PABIR3: variants seen among roughly 807,000 people sequenced by gnomAD.
PABIR3 encodes the protein PABIR family member 3, also known as PABIR family member 1.
Under a neutral mutation model 23.1 loss-of-function variants are expected in PABIR3, and 20 were observed. That is an observed-to-expected ratio of 0.86 (90% confidence interval 0.61 to 1.26). The LOEUF is 1.26. Ranked by LOEUF, PABIR3 falls within the 50% of genes most tolerant of loss-of-function variation. The pLI is 0.00. For synonymous variants in PABIR3, 69 were observed against 68.5 expected (o/e 1.01, Z -0.04); for missense variants, 189 against 195.4 (o/e 0.97, Z 0.20).
downstream of PABIR3, among the ~76,000 whole-genome samples, chrX:134,856,310 C>T (rs922503751): frequency 5.5e-5 from 6 of 110,030 alleles, no homozygotes; most frequent in African/African-American, 1.3e-4. Context: ...CTCAACCTCC[C>T]GAGTAGCTGG....
At chrX:134,812,745 A>G (rs889175571) in intron 2 of PABIR3, among the ~76,000 whole-genome samples, 7 of 111,264 alleles carry the variant, frequency 6.3e-5, no homozygotes, top group African/African-American at 2.3e-4. Flanking sequence ...TTGATAGGAT[A>G]CACCCTGGAA....
Position 134,815,592 on chromosome X carries a change from G to A in PABIR3, c.189+743G>A, listed in dbSNP as rs140829066. On this transcript the variant is annotated intron_variant, in intron 3 of 10. Transcript: ENST00000645433. ...TTCCTCATCATTGAATATGATTTTA[G>A]CTGTGAGTTTTTGGTAAATGTCCTT... is the stretch of plus-strand genomic sequence containing the variant. Among the ~76,000 whole-genome samples the A allele has an allele frequency of 7.3e-3, 817 of 111,583 alleles. 6 individuals are homozygous for A. The highest frequency in any genetic ancestry group is 0.011 in the South Asian group (29 of 2,691).
the PABIR3 span, among the ~76,000 whole-genome samples, chrX:134,860,064 G>A: frequency 1.0e-4 from 11 of 110,530 alleles, no homozygotes; most frequent in African/African-American, 3.6e-4. Context: ...TGGTAGGGCT[G>A]TGAAGGAAGA....
At chrX:134,798,036 G>A (rs1400483204) in intron 1 of PABIR3, among the ~76,000 whole-genome samples, 1 of 111,201 alleles carries the variant, frequency 9.0e-6, no homozygotes, top group South Asian at 3.7e-4. Flanking sequence ...GGCTAGGCTG[G>A]TCTCGAACTC....
At chrX:134,836,581 T>C in intron 4 of PABIR3, among the ~76,000 whole-genome samples, 1 of 112,140 alleles carries the variant, frequency 8.9e-6, no homozygotes, top group South Asian at 3.7e-4. Context: ...GTTCACATAG[T>C]GTTCTCCGTG....
rs772477873 is a variant in PABIR3, at chrX:134,852,852, C to T, written c.642C>T (p.Asn214=). Residue 214 remains asparagine, a synonymous_variant, in exon 10 of 11, where the codon AAC becomes AAT. Transcript: ENST00000645433. ...QPKKIFQGTT[N]MLSSDTSQLS... is the part of the protein sequence containing the mutation. ...AAAAGATTTTCCAAGGCACAACCAA[C>T]ATGCTTTCTTCTGATACTTCCCAAC... 2.4e-4 allele frequency: 272 copies of T among 1,140,691 alleles called. 1 individual carries two copies. In the Admixed American group the frequency reaches 7.4e-3, roughly 31 times the overall value. The allele number at this position is 1,140,691 out of a possible 1,213,427, so 94.0% of individuals were successfully genotyped here.
chrX:134,836,048 G>GAC (rs2081962158), intron 4 of PABIR3, among the ~76,000 whole-genome samples: 1 of 111,695 alleles, frequency 9.0e-6, no homozygotes, highest in African/African-American at 3.3e-5. Context: ...ATATTGGTCC[G>GAC]ACTGGTCTAG....
At chrX:134,841,839 TAAAA>T (rs1281503003) in intron 4 of PABIR3, among the ~76,000 whole-genome samples, 1 of 108,887 alleles carries the variant, frequency 9.2e-6, no homozygotes, top group Non-Finnish European at 1.9e-5. Flanking sequence ...CAAAAAAAAA[TAAAA>T]ATAAAAATAA....
chrX:134,800,319 C>T (rs928559285), intron 1 of PABIR3, among the ~76,000 whole-genome samples: 6 of 109,358 alleles, frequency 5.5e-5, no homozygotes, highest in African/African-American at 2.0e-4. Context: ...AAAAAATAGC[C>T]GGGCATGGTG....
intron 3 of PABIR3, among the ~76,000 whole-genome samples, chrX:134,820,679 ATT>A (rs2148196123): frequency 8.9e-6 from 1 of 111,735 alleles, no homozygotes; most frequent in Non-Finnish European, 1.9e-5. Flanking sequence ...ACGTTAGTGT[ATT>A]TTACCACAAT....
At chrX:134,855,412 C>A (rs1228157884), downstream of PABIR3, among the ~76,000 whole-genome samples, 1 of 106,912 alleles carries the variant, frequency 9.4e-6, no homozygotes, top group African/African-American at 3.4e-5. Context: ...CCAGCCTGGG[C>A]AACAGAGCAA....
chrX:134,832,030 C>A (rs1477917996), intron 4 of PABIR3, among the ~76,000 whole-genome samples: 4 of 111,188 alleles, frequency 3.6e-5, no homozygotes, highest in Non-Finnish European at 7.5e-5. Context: ...GTATTCCCGG[C>A]ACTTTGGGAG....
intron 3 of PABIR3, 75 bp downstream of exon 3, chrX:134,814,924 G>C (rs896744394): frequency 2.0e-5 from 16 of 812,321 alleles, no homozygotes; most frequent in Admixed American, 3.3e-5. Flanking sequence ...CTTCAAACTT[G>C]AGCATTCACA....
intron 3 of PABIR3, among the ~76,000 whole-genome samples, chrX:134,817,457 A>G (rs2081047440): frequency 1.9e-5 from 2 of 103,884 alleles, no homozygotes; most frequent in African/African-American, 7.1e-5. Flanking sequence ...CCCACTATGT[A>G]TTAGGCCCTG....
At chrX:134,825,337 T>A (rs1351757103) in intron 3 of PABIR3, among the ~76,000 whole-genome samples, 2 of 111,617 alleles carry the variant, frequency 1.8e-5, no homozygotes, top group Non-Finnish European at 3.8e-5. Flanking sequence ...GTAGTAATAG[T>A]TACCATTTAT....
At chrX:134,845,310 T>C (rs767436498) in intron 5 of PABIR3, 37 bp from the exon 6 acceptor site, 4 of 1,196,656 alleles carry the variant, frequency 3.3e-6, no homozygotes, top group Non-Finnish European at 2.3e-6. Context: ...ATCTTTTCTT[T>C]CAGATAGGCA....
the PABIR3 span, among the ~76,000 whole-genome samples, chrX:134,860,399 G>T: frequency 8.4e-3 from 941 of 111,605 alleles, 11 homozygotes; most frequent in African/African-American, 0.029. Flanking sequence ...CCTTCAACTT[G>T]ATTTGGAATA....
At chrX:134,813,082 T>C (rs1311990813) in intron 2 of PABIR3, among the ~76,000 whole-genome samples, 2 of 112,095 alleles carry the variant, frequency 1.8e-5, no homozygotes, top group Non-Finnish European at 3.8e-5. Context: ...GAAATGATGG[T>C]ATTGGTCAAT....
intron 3 of PABIR3, among the ~76,000 whole-genome samples, chrX:134,820,659 G>A (rs1329821708): frequency 4.5e-5 from 5 of 111,632 alleles, no homozygotes; most frequent in Non-Finnish European, 9.4e-5. Context: ...TGGTTAAGAT[G>A]GTAAGTTTCA....
Sources: allele counts gnomAD v4.1 joint callset (sites outside exome capture counted in the v4.1 genomes callset), GRCh38; gene constraint gnomAD v4.1.1; transcripts MANE v1.5; gene names NCBI Gene and HGNC (gene_info 2026-07-23, HGNC 2026-07-21).